The following PARD3B variants were observed in gnomAD, a reference collection of about 807,000 sequenced individuals.
The protein encoded by PARD3B is par-3 family cell polarity regulator beta, also known as partitioning defective 3 homolog B.
A neutral mutation model predicts 130.2 loss-of-function variants in PARD3B; 103 were observed. That is an observed-to-expected ratio of 0.79 (90% CI 0.67 to 0.93). The LOEUF is 0.93. Among genes scored for constraint, PARD3B ranks in the 40% least tolerant of loss-of-function variants. The probability of loss-of-function intolerance (pLI) is 0.00; values close to 1 mark genes in which losing one functional copy is unlikely to be tolerated. For missense variants in PARD3B, 1,609 were observed against 1,499.2 expected, an observed-to-expected ratio of 1.07 and a Z score of -1.21; for synonymous variants, 583 against 553.2, an observed-to-expected ratio of 1.05 and a Z score of -0.76.
chr2:204,984,671 C>T (rs1692973632), intron 3 of PARD3B, among the ~76,000 whole-genome samples: 1 of 152,072 alleles, frequency 6.6e-6, no homozygotes, highest in African/African-American at 2.4e-5. Flanking sequence ...GGGGCTTTCT[C>T]CTCTTTGAGG....
intron 2 of PARD3B, among the ~76,000 whole-genome samples, chr2:204,782,143 GCCAGAAT>G (rs1293394316): frequency 9.9e-5 from 15 of 152,158 alleles, no homozygotes; most frequent in Admixed American, 9.8e-4. Flanking sequence ...GTTTCCTTAT[GCCAGAAT>G]GCTGATCAGC....
At chr2:204,736,484 G>A (rs959267036) in intron 2 of PARD3B, among the ~76,000 whole-genome samples, 3 of 151,844 alleles carry the variant, frequency 2.0e-5, no homozygotes, top group Non-Finnish European at 2.9e-5. Flanking sequence ...ATGCCTTTGC[G>A]TACTCATAGC....
intron 1 of PARD3B, 75 bp downstream of exon 1, chr2:204,546,194 A>AG: frequency 9.1e-6 from 14 of 1,537,388 alleles, no homozygotes; most frequent in Non-Finnish European, 1.1e-5. Context: ...GGCGACACTC[A>AG]GGGGATGCAG....
At chr2:205,218,271 A>C (rs1213182399) in intron 15 of PARD3B, among the ~76,000 whole-genome samples, 1 of 152,028 alleles carries the variant, frequency 6.6e-6, no homozygotes, top group African/African-American at 2.4e-5. Flanking sequence ...TTTTCTTATG[A>C]GTCACTATAG....
At chr2:204,964,648 GTATGTATGTATA>G (rs1691066406) in intron 2 of PARD3B, among the ~76,000 whole-genome samples, 1 of 152,200 alleles carries the variant, frequency 6.6e-6, no homozygotes, top group East Asian at 1.9e-4. Context: ...TTCACACAAT[GTATGTATGTATA>G]TATGTATGTA....
At chr2:205,010,884 A>T (rs17282266) in intron 3 of PARD3B, among the ~76,000 whole-genome samples, 12,157 of 152,208 alleles carry the variant, frequency 0.08, 601 homozygotes, top group Non-Finnish European at 0.1. Context: ...TCAGCACTTA[A>T]ATCCTCTTCA....
rs1361789056 is a variant in PARD3B at position 205,562,031 on chromosome 2, C to A, written c.3260+8628C>A. 6.6e-6 allele frequency among the ~76,000 whole-genome samples: 1 copy of A among 152,144 alleles called. No individual in the cohort carries two copies. Among genetic ancestry groups the A allele is most frequent in the African/African-American group, 2.4e-5 (1 of 41,424 alleles). On this transcript the variant is annotated intron_variant, in intron 22 of 22. Transcript: ENST00000406610. The surrounding 1 kb of genome is among the most constrained non-coding windows in gnomAD (Gnocchi z 5.4). ...ATGATGAATTAGCAGCGATTTAATT[C>A]TTTGTGAGATTAAGATGTCTCCATT... is the stretch of plus-strand genomic sequence containing the variant.
chr2:204,756,030 C>A (rs2125398264), intron 2 of PARD3B, among the ~76,000 whole-genome samples: 1 of 152,124 alleles, frequency 6.6e-6, no homozygotes, highest in East Asian at 1.9e-4. Context: ...AGAGCATTTC[C>A]TAATCAATAG....
chr2:204,622,419 A>G (rs1281921362), intron 1 of PARD3B, among the ~76,000 whole-genome samples: 2 of 152,270 alleles, frequency 1.3e-5, no homozygotes, highest in Non-Finnish European at 2.9e-5. Flanking sequence ...TCAGTATACA[A>G]TTACATACAA....
At chr2:205,566,739 A>G (rs2053350474) in intron 22 of PARD3B, among the ~76,000 whole-genome samples, 1 of 152,222 alleles carries the variant, frequency 6.6e-6, no homozygotes, top group South Asian at 2.1e-4. Context: ...ACCCCAGGGC[A>G]TATCAGGGGT....
intron 22 of PARD3B, among the ~76,000 whole-genome samples, chr2:205,595,738 G>T (rs1465477837): frequency 1.3e-5 from 2 of 152,176 alleles, no homozygotes; most frequent in Admixed American, 6.5e-5. Context: ...AGAGAACAAT[G>T]TAGGATGAAA....
intron 18 of PARD3B, among the ~76,000 whole-genome samples, chr2:205,319,586 G>A (rs1349735824): frequency 6.6e-6 from 1 of 152,154 alleles, no homozygotes; most frequent in Non-Finnish European, 1.5e-5. Flanking sequence ...CAGCCTCTGT[G>A]CTTTTGTGTG....
rs917026346 is a variant in PARD3B, at chr2:205,366,573, T to C, written c.2631-34440T>C. The stretch of plus-strand genomic sequence containing the variant: ...GACAGAGCTAATGCCAGAACACAGC[T>C]CTCTTAACTTGCAGGGTATTGCTTT... On this transcript the variant is annotated intron_variant, in intron 18 of 22. Coordinates refer to ENST00000406610, the MANE Select transcript of PARD3B (RefSeq NM_001302769.2). This position sits in a 1 kb window ranked among gnomAD's most constrained non-coding sequence, Gnocchi z 5.0. Among the ~76,000 whole-genome samples the C allele has an allele frequency of 2.0e-5, 3 of 152,176 alleles. No individual in the cohort carries two copies. The highest frequency in any genetic ancestry group is 4.4e-5 in the Non-Finnish European group (3 of 68,028).
At chr2:204,818,151 A>C (rs2043211144) in intron 2 of PARD3B, among the ~76,000 whole-genome samples, 1 of 152,200 alleles carries the variant, frequency 6.6e-6, no homozygotes, top group Non-Finnish European at 1.5e-5. Context: ...ATTCTTGGAT[A>C]GTTTATGGAA....
chr2:205,403,670 G>A (rs567633303), intron 19 of PARD3B, among the ~76,000 whole-genome samples: 2 of 152,284 alleles, frequency 1.3e-5, no homozygotes, highest in South Asian at 4.1e-4. Flanking sequence ...TCAGAACCTT[G>A]GGAGTTGGAG....
At chr2:204,655,069 T>C (rs757427101) in intron 1 of PARD3B, among the ~76,000 whole-genome samples, 2 of 152,178 alleles carry the variant, frequency 1.3e-5, no homozygotes, top group Non-Finnish European at 2.9e-5. Flanking sequence ...CTGGGTGATA[T>C]CTGAGAGTAG....
At position 205,280,488 on chromosome 2, in the gene PARD3B, G is replaced by T. The variant is rs184334935; in HGVS notation, c.2186-20042G>T. Among the ~76,000 whole-genome samples the T allele has an allele frequency of 6.6e-6, 1 of 152,304 alleles. No individual in the cohort carries two copies. Among genetic ancestry groups the T allele is most frequent in the African/African-American group, 2.4e-5 (1 of 41,572 alleles). ...TAGATTAAGTTTCAGAGTTCAGCCT[G>T]GGAGAAAGGAACTATTGAAAACCTT... On this transcript the variant is annotated intron_variant, in intron 16 of 22. Coordinates refer to ENST00000406610, the MANE Select transcript of PARD3B (RefSeq NM_001302769.2). The surrounding 1 kb of genome is among the most constrained non-coding windows in gnomAD (Gnocchi z 4.7).
At chr2:204,866,557 T>C (rs1045797215) in intron 2 of PARD3B, among the ~76,000 whole-genome samples, 5 of 152,066 alleles carry the variant, frequency 3.3e-5, no homozygotes, top group African/African-American at 1.2e-4. Flanking sequence ...CTGTTCTGGA[T>C]TCTGGAGTTG....
At chr2:205,260,559 G>A (rs2040263977) in intron 16 of PARD3B, among the ~76,000 whole-genome samples, 1 of 152,122 alleles carries the variant, frequency 6.6e-6, no homozygotes, top group Non-Finnish European at 1.5e-5. Context: ...TGATTTGCAT[G>A]TGCTTTTCTT....
Sources: allele counts gnomAD v4.1 joint callset (sites outside exome capture counted in the v4.1 genomes callset), GRCh38; gene constraint gnomAD v4.1.1; non-coding constraint Gnocchi (gnomAD v3.1); transcripts MANE v1.5; gene names NCBI Gene and HGNC (gene_info 2026-07-23, HGNC 2026-07-21).